Variants in ABTB3 observed in about 807,000 individuals in gnomAD.
The protein encoded by ABTB3 is ankyrin repeat and BTB domain containing 3.
chr12:107,444,161 C>CCT, the ABTB3 span, among the ~76,000 whole-genome samples: 2 of 152,238 alleles, frequency 1.3e-5, no homozygotes, highest in Admixed American at 6.5e-5. Flanking sequence ...CAGGGTCCTG[C>CCT]AGAGAGAAGC....
chr12:107,634,649 T>C, the ABTB3 span, among the ~76,000 whole-genome samples: 4 of 152,230 alleles, frequency 2.6e-5, no homozygotes, highest in South Asian at 8.3e-4. Flanking sequence ...GAGGTCAACG[T>C]GAACGATGAG....
the ABTB3 span, among the ~76,000 whole-genome samples, chr12:107,433,122 A>C: frequency 6.6e-6 from 1 of 150,862 alleles, no homozygotes; most frequent in Non-Finnish European, 1.5e-5. Context: ...CGTCTCTACT[A>C]AAAATACAAA....
chr12:107,650,013 A>G, the ABTB3 span: 1 of 152,134 alleles, frequency 6.6e-6, no homozygotes, highest in Non-Finnish European at 1.5e-5. Context: ...ATCACCCCCA[A>G]TTAATCCTCA....
At chr12:107,619,903 G>A in the ABTB3 span, 65 of 1,321,114 alleles carry the variant, frequency 4.9e-5, no homozygotes, top group African/African-American at 5.9e-5. Context: ...ATAAAAACTC[G>A]CCTGCTCCTC....
the ABTB3 span, among the ~76,000 whole-genome samples, chr12:107,358,544 A>T: frequency 6.6e-6 from 1 of 152,212 alleles, no homozygotes; most frequent in South Asian, 2.1e-4. Context: ...TGGTCCCTAA[A>T]CCACCCCAAA....
chr12:107,319,945 C>T, the ABTB3 span: 4 of 1,565,302 alleles, frequency 2.6e-6, no homozygotes, highest in Admixed American at 7.1e-5. Context: ...ACCACCATCA[C>T]CACCACCATG....
At chr12:107,462,907 T>A in the ABTB3 span, among the ~76,000 whole-genome samples, 1 of 151,406 alleles carries the variant, frequency 6.6e-6, no homozygotes, top group Non-Finnish European at 1.5e-5. Context: ...ATAGTAACAA[T>A]GGTGTAGTGA....
At chr12:107,614,279 A>G in the ABTB3 span, among the ~76,000 whole-genome samples, 1 of 152,056 alleles carries the variant, frequency 6.6e-6, no homozygotes, top group Non-Finnish European at 1.5e-5. Flanking sequence ...TGAAAGACCA[A>G]TCTCAGATTG....
the ABTB3 span, among the ~76,000 whole-genome samples, chr12:107,586,839 A>C: frequency 6.6e-6 from 1 of 152,160 alleles, no homozygotes; most frequent in East Asian, 1.9e-4. Flanking sequence ...ATTACAGAAG[A>C]ATGTGGTGAC....
chr12:107,323,129 G>A, the ABTB3 span, among the ~76,000 whole-genome samples: 2 of 152,146 alleles, frequency 1.3e-5, no homozygotes, highest in Non-Finnish European at 2.9e-5. Flanking sequence ...AATCATCTTT[G>A]CAAGTTTTTC....
At chr12:107,428,780 T>C in the ABTB3 span, among the ~76,000 whole-genome samples, 1 of 152,252 alleles carries the variant, frequency 6.6e-6, no homozygotes, top group Non-Finnish European at 1.5e-5. Flanking sequence ...CCAATTAAAA[T>C]AGTAAAGTCT....
chr12:107,530,065 G>C, the ABTB3 span, among the ~76,000 whole-genome samples: 3 of 152,198 alleles, frequency 2.0e-5, no homozygotes, highest in Non-Finnish European at 4.4e-5. Flanking sequence ...GTCTTCAATT[G>C]TTAGGAGAAT....
At chr12:107,457,896 T>C in the ABTB3 span, among the ~76,000 whole-genome samples, 1 of 152,266 alleles carries the variant, frequency 6.6e-6, no homozygotes, top group Non-Finnish European at 1.5e-5. Context: ...TTCAAGTCCC[T>C]GCTCTGTCCC....
the ABTB3 span, among the ~76,000 whole-genome samples, chr12:107,491,176 C>T: frequency 7.6e-4 from 116 of 152,290 alleles, 1 homozygote; most frequent in African/African-American, 2.6e-3. Flanking sequence ...ATCTGTTCAT[C>T]TGTTCTTCCA....
the ABTB3 span, among the ~76,000 whole-genome samples, chr12:107,504,321 G>C: frequency 1.3e-5 from 2 of 152,076 alleles, no homozygotes; most frequent in Non-Finnish European, 2.9e-5. Flanking sequence ...TCTACACTAC[G>C]TTAACAGCAG....
chr12:107,430,192 A>G, the ABTB3 span, among the ~76,000 whole-genome samples: 1 of 152,214 alleles, frequency 6.6e-6, no homozygotes, highest in Non-Finnish European at 1.5e-5. Context: ...ACTGTCTTAT[A>G]TTCCATCTCT....
At chr12:107,540,314 G>A in the ABTB3 span, among the ~76,000 whole-genome samples, 1 of 152,122 alleles carries the variant, frequency 6.6e-6, no homozygotes, top group African/African-American at 2.4e-5. Flanking sequence ...AGAAGAGAGA[G>A]AAAGAGAAAA....
chr12:107,633,963 G>A, the ABTB3 span, among the ~76,000 whole-genome samples: 17 of 152,352 alleles, frequency 1.1e-4, no homozygotes, highest in South Asian at 1.7e-3. Flanking sequence ...GCATTAAGCC[G>A]ATAGGCAGGC....
At chr12:107,353,569 G>T in the ABTB3 span, among the ~76,000 whole-genome samples, 6 of 152,148 alleles carry the variant, frequency 3.9e-5, no homozygotes, top group African/African-American at 1.2e-4. Context: ...TTGCTTAAAG[G>T]ATTACATAAT....
Sources: gnomAD v4.1 joint callset for allele counts (sites outside exome capture counted in the v4.1 genomes callset) on GRCh38, gnomAD v4.1.1 for gene constraint, MANE v1.5 for transcripts, NCBI Gene and HGNC (gene_info 2026-07-23, HGNC 2026-07-21) for gene names.